The following LRP2 variants were observed in gnomAD, a reference collection of about 807,000 sequenced individuals.
The protein encoded by LRP2 is low-density lipoprotein receptor-related protein 2.
A neutral mutation model predicts 531.0 loss-of-function variants in LRP2; 172 were observed. The ratio of observed to expected loss-of-function variants is 0.32; its 90% confidence interval spans 0.29 to 0.37. The LOEUF (loss-of-function observed/expected upper bound fraction) is 0.37. LRP2 is among the 10% of genes least tolerant of loss of function. The pLI, the probability that LRP2 is intolerant of heterozygous loss-of-function variation, is 1.00. For missense variants in LRP2, 5,167 were observed against 5,868.3 expected (o/e 0.88, Z 3.90); for synonymous variants, 1,992 against 2,027.6 (o/e 0.98, Z 0.47).
At chr2:169,323,239 T>C (rs899723766) in intron 1 of LRP2, among the ~76,000 whole-genome samples, 8 of 152,202 alleles carry the variant, frequency 5.3e-5, no homozygotes, top group African/African-American at 1.9e-4. Flanking sequence ...GATCTATAAT[T>C]CATTTGTCAA....
intron 1 of LRP2, among the ~76,000 whole-genome samples, chr2:169,336,536 T>TCA (rs61573424): frequency 0.18 from 26,136 of 145,672 alleles, 2,426 homozygotes; most frequent in East Asian, 0.3. Flanking sequence ...CAAGACTCCA[T>TCA]CACACACACA....
In LRP2 at chr2:169,175,386, G is replaced by T. The variant is rs750123001; in HGVS notation, c.10575C>A (p.Cys3525Ter). The change falls in exon 55 of 79, where the codon TGC becomes TGA. Residue 3525 changes from cysteine to a stop codon, truncating the protein, a stop_gained. Coordinates refer to ENST00000649046, the MANE Select transcript of LRP2 (RefSeq NM_004525.3). LOFTEE classifies it high-confidence loss of function. ...TQFLCANNEK[C>*]IPIWWKCDGQ... ...CATCACATTTCCACCAGATAGGAAT[G>T]CACCTGCACAGAGAACATACAGCAC... The T allele has an allele frequency of 6.2e-7, 1 of 1,614,028 alleles. No individual in the cohort carries two copies. The highest frequency in any genetic ancestry group is 1.7e-5 in the Admixed American group (1 of 60,026).
At chr2:169,204,331 T>TGGCA (rs1264326806) in intron 41 of LRP2, 60 bp from the exon 42 acceptor site, 3 of 1,530,674 alleles carry the variant, frequency 2.0e-6, no homozygotes, top group African/African-American at 2.7e-5. Context: ...AGTTTTCAAC[T>TGGCA]GGCAGCCCAA....
At chr2:169,264,771 G>T (rs1690724616) in intron 16 of LRP2, among the ~76,000 whole-genome samples, 1 of 152,002 alleles carries the variant, frequency 6.6e-6, no homozygotes, top group South Asian at 2.1e-4. Flanking sequence ...GAACTAAGGG[G>T]CTCAGATAAA....
At chr2:169,342,634 C>T (rs764330619) in intron 1 of LRP2, among the ~76,000 whole-genome samples, 14 of 152,186 alleles carry the variant, frequency 9.2e-5, no homozygotes, top group South Asian at 2.1e-4. Flanking sequence ...GCAATCTGTG[C>T]GGTCTTCCTT....
intron 1 of LRP2, among the ~76,000 whole-genome samples, chr2:169,342,077 T>C (rs1685578287): frequency 6.6e-6 from 1 of 152,028 alleles, no homozygotes; most frequent in African/African-American, 2.4e-5. Context: ...TGCTACTATA[T>C]GTTTCCAAAG....
rs77686710 is a variant in LRP2 at position 169,166,027 on chromosome 2, C to T, written c.11663G>A (p.Arg3888His). Residue 3888 changes from arginine to histidine, a missense_variant, in exon 62 of 79, where the codon CGT becomes CAT. This residue lies in a region of LRP2 where 564 missense variants were observed against 747.7 expected (regional missense o/e 0.75). Transcript: ENST00000649046. ...GCAGCGATTGTTGTCACACCGGAAA[C>T]GGTTTGGTGAATTACAGGGAACATC... The part of the protein sequence containing the change: ...CLDVPCNSPN[R>H]FRCDNNRCIY... The T allele has an allele frequency of 6.0e-4, 976 of 1,613,958 alleles. 2 individuals are homozygous for T. In the African/African-American group the frequency reaches 7.0e-3, roughly 12 times the overall value.
intron 16 of LRP2, among the ~76,000 whole-genome samples, chr2:169,261,332 ATTTCTT>A (rs1256511960): frequency 6.6e-6 from 1 of 151,818 alleles, no homozygotes; most frequent in African/African-American, 2.4e-5. Flanking sequence ...TTTTAATATG[ATTTCTT>A]TTTCTTTTTC....
chr2:169,239,485 G>T lies in LRP2; in HGVS notation c.4294+42C>A, dbSNP rs1392517648. ...CATGTGCCATTTGATTTTAAGCTCT[G>T]GGATGTGCTGATAAACTGGCTCGGG... On this transcript the variant is annotated intron_variant, in intron 26 of 78. Transcript: ENST00000649046. The T allele has an allele frequency of 3.7e-6, 6 of 1,613,554 alleles. No individual in the cohort carries two copies. In the Admixed American group the frequency reaches 1.0e-4, roughly 27 times the overall value.
intron 4 of LRP2, among the ~76,000 whole-genome samples, chr2:169,299,027 C>A (rs565417835): frequency 7.2e-6 from 1 of 139,846 alleles, no homozygotes; most frequent in Non-Finnish European, 1.6e-5. Context: ...TTATATAAAA[C>A]CAGATTTATT....
Position 169,243,295 on chromosome 2 carries a change from C to A in LRP2, c.3550+108G>T, listed in dbSNP as rs985111907. On this transcript the variant is annotated intron_variant, in intron 23 of 78. Coordinates refer to ENST00000649046, the MANE Select transcript of LRP2 (RefSeq NM_004525.3). ...ATGCCATCCCTTCTCTAGCTCCCCA[C>A]CCCCCAACAGGCCCCGGTGTGTGAT... The A allele has an allele frequency of 9.6e-5, 129 of 1,338,618 alleles. 1 individual carries two copies. The highest frequency in any genetic ancestry group is 1.4e-5 in the Non-Finnish European group (13 of 949,648). The allele number at this position is 1,338,618 out of a possible 1,614,324, so 82.9% of individuals were successfully genotyped here. A position where few individuals can be genotyped will look rare whatever the true frequency, so the allele number is the denominator to read the frequency against.
intron 63 of LRP2, among the ~76,000 whole-genome samples, chr2:169,160,504 GA>G (rs1190756393): frequency 1.3e-5 from 2 of 151,522 alleles, no homozygotes; most frequent in East Asian, 1.9e-4. Context: ...GGAGGAAGGA[GA>G]AAAAAGACAA....
intron 1 of LRP2, among the ~76,000 whole-genome samples, chr2:169,359,164 C>A (rs1559091646): frequency 6.6e-6 from 1 of 152,038 alleles, no homozygotes; most frequent in Non-Finnish European, 1.5e-5. Flanking sequence ...CATATTTTAT[C>A]TCTTTATGCT....
intron 18 of LRP2, 52 bp downstream of exon 18, chr2:169,257,072 G>A (rs1690332639): frequency 6.2e-7 from 1 of 1,607,072 alleles, no homozygotes; most frequent in African/African-American, 1.3e-5. Context: ...GCCTCATTAT[G>A]TGTTCTGCAG....
At position 169,179,483 on chromosome 2, in the gene LRP2, G is replaced by A. The variant is rs138872431; in HGVS notation, c.10170-1457C>T. On this transcript the variant is annotated intron_variant, in intron 52 of 78. Transcript: ENST00000649046. ...CGCCTGTAATCCCAACACTTAGGGA[G>A]GCAGAGGCAGGCAGATCACCTGAGG... Among the ~76,000 whole-genome samples, 40 of 152,246 alleles carry A rather than the reference G, an allele frequency of 2.6e-4. No homozygotes were observed. The East Asian group carries it at 7.4e-3, about 28-fold the overall frequency.
At position 169,220,370 on chromosome 2, in the gene LRP2, A is replaced by T. The variant is rs116671969; in HGVS notation, c.5648+84T>A. The T allele has an allele frequency of 2.3e-3, 2,357 of 1,004,788 alleles. 37 individuals carry two copies. The African/African-American group carries it at 0.033, about 14-fold the overall frequency. 62.2% of individuals were successfully genotyped at this position (1,004,788 alleles called of 1,614,324 possible). A position where few individuals can be genotyped will look rare whatever the true frequency, so the allele number is the denominator to read the frequency against. On this transcript the variant is annotated intron_variant, in intron 34 of 78. Transcript: ENST00000649046. Reference sequence around the variant, plus strand: ...CATATGAAATCAGAAGATGTCCTAAATTTGAAATCTTCCATTTTGTCAGAC... The same window carrying T: ...CATATGAAATCAGAAGATGTCCTAATTTTGAAATCTTCCATTTTGTCAGAC...
intron 3 of LRP2, among the ~76,000 whole-genome samples, chr2:169,308,497 T>C (rs1684491397): frequency 6.6e-6 from 1 of 152,182 alleles, no homozygotes; most frequent in Non-Finnish European, 1.5e-5. Context: ...CTTGCGATAG[T>C]TTGCTCAGAA....
intron 45 of LRP2, among the ~76,000 whole-genome samples, chr2:169,197,367 T>A (rs929852693): frequency 2.6e-5 from 4 of 152,224 alleles, no homozygotes; most frequent in Non-Finnish European, 5.9e-5. Flanking sequence ...TAATGTAAGA[T>A]TAAATAAATT....
intron 1 of LRP2, among the ~76,000 whole-genome samples, chr2:169,360,705 A>T (rs1472428040): frequency 1.3e-5 from 2 of 152,172 alleles, no homozygotes; most frequent in Non-Finnish European, 2.9e-5. Flanking sequence ...TGCGTTACCA[A>T]CACTGAGAAA....
Sources: gnomAD v4.1 joint callset for allele counts (sites outside exome capture counted in the v4.1 genomes callset) on GRCh38, gnomAD v4.1.1 for gene constraint, gnomAD v4.1.1 regional missense constraint, MANE v1.5 for transcripts, NCBI Gene and HGNC (gene_info 2026-07-23, HGNC 2026-07-21) for gene names.